The following TMTC2 variants were observed in gnomAD, a reference collection of about 807,000 sequenced individuals.
The protein encoded by TMTC2 is transmembrane O-mannosyltransferase targeting cadherins 2.
A neutral mutation model predicts 82.4 loss-of-function variants in TMTC2; 43 were observed. The ratio of observed to expected loss-of-function variants is 0.52; its 90% confidence interval spans 0.41 to 0.67. The LOEUF is 0.67. TMTC2 is among the 30% of genes least tolerant of loss of function. The pLI is 0.00. For missense variants in TMTC2, 919 were observed against 1,012.4 expected (o/e 0.91, Z 1.25); for synonymous variants, 408 against 381.9 (o/e 1.07, Z -0.80).
chr12:82,727,718 C>CAAA (rs770172730), intron 1 of TMTC2, among the ~76,000 whole-genome samples: 12,185 of 136,002 alleles, frequency 0.09, 689 homozygotes, highest in East Asian at 0.24. Flanking sequence ...GAGAGTGTCT[C>CAAA]AAAAAAAAAA....
At chr12:82,831,688 G>T (rs972559483) in intron 1 of TMTC2, among the ~76,000 whole-genome samples, 1 of 152,004 alleles carries the variant, frequency 6.6e-6, no homozygotes, top group Admixed American at 6.6e-5. Context: ...GGTGGTGGTG[G>T]TGTTTTAAAA....
rs1885304623 is a variant in TMTC2 at position 83,132,756 on chromosome 12, A to G, written c.*367A>G. ...TTGTTCCTTAAACACTGTGAGAGGA[A>G]GTCAGAGTGTCCATTCAGGCATGGC... On this transcript the variant is annotated 3_prime_UTR_variant, in exon 12 of 12. Coordinates refer to ENST00000321196, the MANE Select transcript of TMTC2 (RefSeq NM_152588.3). The G allele has an allele frequency of 4.9e-6, 1 of 202,072 alleles. No individual in the cohort carries two copies. The highest frequency in any genetic ancestry group is 2.4e-5 in the African/African-American group (1 of 42,028). The allele number at this position is 202,072 out of a possible 1,614,324, so 12.5% of individuals were successfully genotyped here. A position where few individuals can be genotyped will look rare whatever the true frequency, so the allele number is the denominator to read the frequency against.
At chr12:82,764,793 G>T (rs57946968) in intron 1 of TMTC2, among the ~76,000 whole-genome samples, 145,480 of 151,776 alleles carry the variant, frequency 0.96, 70,020 homozygotes, top group East Asian at 1. Flanking sequence ...TAAGAGGGGG[G>T]TAGGGAAAAA....
At chr12:82,907,720 A>T (rs943740619) in intron 3 of TMTC2, among the ~76,000 whole-genome samples, 3 of 152,180 alleles carry the variant, frequency 2.0e-5, no homozygotes, top group African/African-American at 7.2e-5. Flanking sequence ...GAGTTACTTT[A>T]GATTATATTT....
intron 1 of TMTC2, among the ~76,000 whole-genome samples, chr12:82,787,899 C>A (rs989800303): frequency 3.0e-4 from 45 of 151,996 alleles, no homozygotes; most frequent in African/African-American, 1.0e-3. Flanking sequence ...GGTGACAGAG[C>A]AAGACTCCAT....
At chr12:82,915,214 T>G (rs1487910352) in intron 3 of TMTC2, among the ~76,000 whole-genome samples, 1 of 152,170 alleles carries the variant, frequency 6.6e-6, no homozygotes, top group East Asian at 1.9e-4. Context: ...AAGGTAGATG[T>G]GGGTATTGAT....
At chr12:82,724,145 A>G in intron 1 of TMTC2, among the ~76,000 whole-genome samples, 1 of 152,194 alleles carries the variant, frequency 6.6e-6, no homozygotes, top group East Asian at 1.9e-4. Context: ...GGGCATTGAG[A>G]CTGTGCAAGG....
At chr12:82,706,995 C>T (rs998763551) in intron 1 of TMTC2, among the ~76,000 whole-genome samples, 2 of 152,172 alleles carry the variant, frequency 1.3e-5, no homozygotes, top group Admixed American at 6.5e-5. Context: ...CGTCATTGCA[C>T]CTTTATTTTT....
At chr12:82,915,811 A>G (rs1874967863) in intron 3 of TMTC2, among the ~76,000 whole-genome samples, 1 of 152,224 alleles carries the variant, frequency 6.6e-6, no homozygotes, top group African/African-American at 2.4e-5. Context: ...TCTATTCCTG[A>G]TACAAACTCA....
intron 8 of TMTC2, among the ~76,000 whole-genome samples, chr12:83,009,599 A>G (rs1880362059): frequency 6.6e-6 from 1 of 152,186 alleles, no homozygotes; most frequent in South Asian, 2.1e-4. Context: ...TTGTAAAAAT[A>G]GGAGTGATGC....
At chr12:82,737,888 G>A (rs1052428868) in intron 1 of TMTC2, among the ~76,000 whole-genome samples, 4 of 152,174 alleles carry the variant, frequency 2.6e-5, no homozygotes, top group African/African-American at 9.6e-5. Context: ...ACAGTTCCCT[G>A]ATGTTATTCT....
chr12:82,911,015 G>C (rs866037013), intron 3 of TMTC2, among the ~76,000 whole-genome samples: 1 of 151,962 alleles, frequency 6.6e-6, no homozygotes, highest in African/African-American at 2.4e-5. Context: ...CGAGTAGCTG[G>C]GACTACAGGC....
intron 3 of TMTC2, among the ~76,000 whole-genome samples, chr12:82,900,774 A>ATATATAGGAATATATATAGAGAGG: frequency 8.9e-6 from 1 of 111,744 alleles, no homozygotes; most frequent in Admixed American, 1.0e-4. Context: ...ATAGAGAGGT[A>ATATATAGGAATATATATAGAGAGG]TATATATAGG....
intron 1 of TMTC2, among the ~76,000 whole-genome samples, chr12:82,750,050 T>C (rs912420171): frequency 3.9e-5 from 6 of 152,078 alleles, no homozygotes; most frequent in African/African-American, 1.2e-4. Flanking sequence ...TGAAACTTTG[T>C]TTTTCAATCC....
intron 1 of TMTC2, among the ~76,000 whole-genome samples, chr12:82,848,307 C>T (rs528221830): frequency 6.6e-6 from 1 of 152,104 alleles, no homozygotes; most frequent in African/African-American, 2.4e-5. Context: ...CTGGAAGTAT[C>T]GCCACAGTTT....
chr12:82,896,165 CAG>C lies in TMTC2; in HGVS notation c.1006_1007del (p.Glu336MetfsTer17). The C allele has an allele frequency of 6.2e-7, 1 of 1,613,988 alleles. No homozygotes were observed. On this transcript the variant is annotated frameshift_variant, in exon 3 of 12. Transcript: ENST00000321196. LOFTEE classifies it high-confidence loss of function. ...ATGGTTTGAAGAGCCCGAGCGTAGA[CAG>C]AGAATGCAATGGGAAAACTGTAACA... ...YYGLKSPSVDRECNGKTVTNG... is the reference protein window; with the variant it reads ...YYGLKSPSVDXECNGKTVTNG...
intron 1 of TMTC2, among the ~76,000 whole-genome samples, chr12:82,776,356 C>T (rs1877595927): frequency 1.3e-5 from 2 of 152,060 alleles, no homozygotes; most frequent in Admixed American, 1.3e-4. Context: ...GACAAACATC[C>T]TGTGTCCACT....
At chr12:83,043,585 A>G (rs1396872297) in intron 9 of TMTC2, among the ~76,000 whole-genome samples, 1 of 152,238 alleles carries the variant, frequency 6.6e-6, no homozygotes, top group Non-Finnish European at 1.5e-5. Flanking sequence ...ACCTCCATTC[A>G]GAAATAGAAA....
chr12:82,967,130 C>G (rs1878248435), intron 7 of TMTC2, 133 bp downstream of exon 7: 1 of 673,698 alleles, frequency 1.5e-6, no homozygotes, highest in Admixed American at 3.3e-5. Context: ...AATCTGGCAT[C>G]ATACTCAAAT....
Sources: allele counts gnomAD v4.1 joint callset (sites outside exome capture counted in the v4.1 genomes callset), GRCh38; gene constraint gnomAD v4.1.1; transcripts MANE v1.5; gene names NCBI Gene and HGNC (gene_info 2026-07-23, HGNC 2026-07-21).